The following PPP2R2C variants were observed in gnomAD, a reference collection of about 807,000 sequenced individuals.
PPP2R2C encodes the protein protein phosphatase 2, regulatory subunit B, gamma.
In PPP2R2C, 10 loss-of-function variants were observed where a neutral mutation model predicts 45.3. That is an observed-to-expected ratio of 0.22 (90% CI 0.14 to 0.37). PPP2R2C has a LOEUF of 0.37. PPP2R2C is among the 10% of genes least tolerant of loss of function. The pLI is 1.00. For missense variants in PPP2R2C, 308 were observed against 619.7 expected (o/e 0.50, Z 5.34); for synonymous variants, 257 against 245.4 (o/e 1.05, Z -0.44).
chr4:6,413,856 G>T (rs571071733), intron 1 of PPP2R2C: 6 of 1,535,654 alleles, frequency 3.9e-6, no homozygotes, highest in Admixed American at 3.9e-5. Flanking sequence ...CCAGCTCCAC[G>T]ATGGGGACCC....
At chr4:6,359,538 T>C (rs932484809) in intron 5 of PPP2R2C, among the ~76,000 whole-genome samples, 1 of 151,872 alleles carries the variant, frequency 6.6e-6, no homozygotes, top group Non-Finnish European at 1.5e-5. Flanking sequence ...GAAATGATAA[T>C]ATTTCGGGTA....
intron 1 of PPP2R2C, among the ~76,000 whole-genome samples, chr4:6,457,101 C>T (rs926928618): frequency 6.6e-5 from 10 of 150,640 alleles, no homozygotes; most frequent in Non-Finnish European, 1.3e-4. Context: ...CCCAGCTACT[C>T]AGGAGGCTGA....
chr4:6,413,990 G>T, intron 1 of PPP2R2C: 1 of 1,535,154 alleles, frequency 6.5e-7, no homozygotes. Flanking sequence ...CTACTGCCAT[G>T]TTGCCAGTCA....
intron 1 of PPP2R2C, among the ~76,000 whole-genome samples, chr4:6,446,229 C>T (rs1223630016): frequency 6.6e-6 from 1 of 152,210 alleles, no homozygotes; most frequent in Non-Finnish European, 1.5e-5. Context: ...GCCCCTGCAG[C>T]GTCGTCAAAC....
intron 5 of PPP2R2C, among the ~76,000 whole-genome samples, chr4:6,366,860 G>C (rs2109280643): frequency 6.6e-6 from 1 of 152,244 alleles, no homozygotes; most frequent in East Asian, 1.9e-4. Flanking sequence ...ACTGTGGAGG[G>C]GCTCAGGCTT....
intron 1 of PPP2R2C, among the ~76,000 whole-genome samples, chr4:6,395,037 C>T (rs2109339357): frequency 6.6e-6 from 1 of 152,288 alleles, no homozygotes; most frequent in East Asian, 1.9e-4. Flanking sequence ...CCATGGTCAC[C>T]TCTCACCCGC....
chr4:6,498,233 T>A (rs1722933581), intron 2 of PPP2R2C, among the ~76,000 whole-genome samples: 1 of 152,222 alleles, frequency 6.6e-6, no homozygotes, highest in Non-Finnish European at 1.5e-5. Flanking sequence ...CACAGCATGT[T>A]CCATTATATA....
At chr4:6,461,077 T>C (rs1184055368) in intron 1 of PPP2R2C, among the ~76,000 whole-genome samples, 3 of 152,136 alleles carry the variant, frequency 2.0e-5, no homozygotes, top group African/African-American at 7.2e-5. Flanking sequence ...ATCCCTCTCC[T>C]ACCTGATCCA....
At chr4:6,474,850 C>T (rs1474923049), upstream of PPP2R2C, among the ~76,000 whole-genome samples, 3 of 151,864 alleles carry the variant, frequency 2.0e-5, no homozygotes, top group African/African-American at 7.3e-5. Context: ...GCCCACCCCC[C>T]ACCTCCACTA....
chr4:6,470,977 C>G (rs1560572263), intron 1 of PPP2R2C, among the ~76,000 whole-genome samples: 1 of 151,218 alleles, frequency 6.6e-6, no homozygotes, highest in Non-Finnish European at 1.5e-5. Context: ...GCTCGCGCTG[C>G]GCTCCCCGGG....
At chr4:6,428,226 G>GT (rs1176194235) in intron 1 of PPP2R2C, among the ~76,000 whole-genome samples, 1 of 152,248 alleles carries the variant, frequency 6.6e-6, no homozygotes, top group Admixed American at 6.5e-5. Flanking sequence ...GGTTTCAGGA[G>GT]AGGAGGGTCT....
At chr4:6,395,349 G>C (rs896289425) in intron 1 of PPP2R2C, among the ~76,000 whole-genome samples, 18 of 152,190 alleles carry the variant, frequency 1.2e-4, no homozygotes, top group African/African-American at 3.6e-4. Context: ...CTTATGCCAG[G>C]CAACGGGAAT....
Position 6,400,238 on chromosome 4 carries a change from T to A in PPP2R2C, c.71-19144A>T, listed in dbSNP as rs192870099. ...AACCAAACAATGTATCACAACAGAC[T>A]GAATGCAGGAGCTGATGTGAGAATC... On this transcript the variant is annotated intron_variant, in intron 1 of 8. Transcript: ENST00000382599. 5.8e-4 allele frequency among the ~76,000 whole-genome samples: 88 copies of A among 152,270 alleles called. 1 individual carries two copies. The East Asian group carries it at 0.012, about 20-fold the overall frequency.
At chr4:6,504,450 C>G (rs1187462779) in intron 2 of PPP2R2C, among the ~76,000 whole-genome samples, 1 of 150,808 alleles carries the variant, frequency 6.6e-6, no homozygotes, top group Non-Finnish European at 1.5e-5. Flanking sequence ...TAAATAAAAC[C>G]CAAAAGAAAA....
intron 1 of PPP2R2C, among the ~76,000 whole-genome samples, chr4:6,453,958 G>C (rs1043083471): frequency 3.9e-5 from 6 of 152,288 alleles, no homozygotes; most frequent in African/African-American, 1.4e-4. Flanking sequence ...CAGGGCCACC[G>C]GTCTGCCTCA....
At chr4:6,347,787 C>T (rs1712134231) in intron 6 of PPP2R2C, 59 bp downstream of exon 6, 3 of 1,380,556 alleles carry the variant, frequency 2.2e-6, no homozygotes, top group South Asian at 1.3e-5. Context: ...CAGGACAGGA[C>T]ATCCCACCCG....
intron 1 of PPP2R2C, among the ~76,000 whole-genome samples, chr4:6,554,054 G>C (rs1244356072): frequency 6.6e-6 from 1 of 152,104 alleles, no homozygotes; most frequent in Non-Finnish European, 1.5e-5. Context: ...GGTTATCAGG[G>C]GGTGACTGCT....
chr4:6,500,643 T>C (rs1177095827), intron 2 of PPP2R2C, among the ~76,000 whole-genome samples: 1 of 152,174 alleles, frequency 6.6e-6, no homozygotes, highest in African/African-American at 2.4e-5. Flanking sequence ...TTCATGGTTG[T>C]GTGTGACCAG....
chr4:6,370,756 T>C (rs1714748260), intron 5 of PPP2R2C, among the ~76,000 whole-genome samples: 1 of 152,132 alleles, frequency 6.6e-6, no homozygotes, highest in African/African-American at 2.4e-5. Context: ...GTTATCCACA[T>C]CAAACATGCT....
Sources: gnomAD v4.1 joint callset for allele counts (sites outside exome capture counted in the v4.1 genomes callset) on GRCh38, gnomAD v4.1.1 for gene constraint, MANE v1.5 for transcripts, NCBI Gene and HGNC (gene_info 2026-07-23, HGNC 2026-07-21) for gene names.